Variants in GPR19 observed in about 807,000 individuals in gnomAD.
GPR19 encodes the protein probable G protein-coupled receptor 19.
In GPR19, 14 loss-of-function variants were observed where a neutral mutation model predicts 28.5. That is an observed-to-expected ratio of 0.49 (90% CI 0.32 to 0.77). GPR19 has a LOEUF of 0.77. GPR19 is among the 30% of genes least tolerant of loss of function. GPR19 has a pLI of 0.03. For synonymous variants in GPR19, 173 were observed against 184.1 expected, an observed-to-expected ratio of 0.94 and a Z score of 0.49; for missense variants, 409 against 504.1, an observed-to-expected ratio of 0.81 and a Z score of 1.81.
intron 2 of GPR19, among the ~76,000 whole-genome samples, chr12:12,686,832 A>C (rs1361373095): frequency 6.6e-6 from 1 of 152,222 alleles, no homozygotes; most frequent in Non-Finnish European, 1.5e-5. Context: ...ATTATTTGAG[A>C]CAAAAAAAAT....
chr12:12,717,026 C>CT, the GPR19 span: 6 of 1,002,330 alleles, frequency 6.0e-6, no homozygotes, highest in African/African-American at 8.7e-5. Flanking sequence ...GAGGTCGGGG[C>CT]TTAGGCGCCG....
intron 3 of GPR19, among the ~76,000 whole-genome samples, chr12:12,674,209 C>CAA (rs35775784): frequency 8.0e-4 from 43 of 53,904 alleles, no homozygotes; most frequent in Admixed American, 1.5e-3. Context: ...GACTTTGTCT[C>CAA]AAAAAAAAAA....
At chr12:12,690,964 T>C (rs1193254173) in intron 2 of GPR19, among the ~76,000 whole-genome samples, 1 of 152,156 alleles carries the variant, frequency 6.6e-6, no homozygotes, top group African/African-American at 2.4e-5. Context: ...GTCTTAACCA[T>C]ATATAAGTGT....
intron 2 of GPR19, among the ~76,000 whole-genome samples, chr12:12,688,033 T>A (rs1485488242): frequency 6.6e-6 from 1 of 152,234 alleles, no homozygotes; most frequent in Non-Finnish European, 1.5e-5. Flanking sequence ...AACACCATTT[T>A]TGCAACCCCC....
chr12:12,703,469 G>T, the GPR19 span: 19 of 972,236 alleles, frequency 2.0e-5, no homozygotes, highest in Non-Finnish European at 2.2e-5. Context: ...GGTAATCAAA[G>T]ATTCCCAAGG....
At chr12:12,716,895 GTGGGGGCCGCTGGGGAGGGCCGAGC>G in the GPR19 span, 3 of 984,684 alleles carry the variant, frequency 3.0e-6, no homozygotes, top group Middle Eastern at 5.2e-4. Context: ...AGACCACGAG[GTGGGGGCCGCTGGGGAGGGCCGAGC>G]TGGGGGCAGC....
the GPR19 span, among the ~76,000 whole-genome samples, chr12:12,713,900 C>G: frequency 6.6e-6 from 1 of 152,230 alleles, no homozygotes; most frequent in Non-Finnish European, 1.5e-5. Context: ...GAAACACTTC[C>G]TTTTCCCTCT....
chr12:12,681,705 G>A (rs78975275), intron 3 of GPR19, among the ~76,000 whole-genome samples: 1,656 of 152,288 alleles, frequency 0.011, 30 homozygotes, highest in African/African-American at 0.037. Flanking sequence ...GCATGAGCTG[G>A]TAGAATTCAA....
the GPR19 span, chr12:12,715,822 G>A: frequency 6.6e-6 from 1 of 152,250 alleles, no homozygotes; most frequent in Non-Finnish European, 1.5e-5. Flanking sequence ...AAAGGAGAGG[G>A]TTAAACCACA....
chr12:12,687,016 A>G (rs1012861294), intron 2 of GPR19, among the ~76,000 whole-genome samples: 1 of 152,200 alleles, frequency 6.6e-6, no homozygotes, highest in African/African-American at 2.4e-5. Context: ...ATAATCACCA[A>G]ATTTACTTTT....
chr12:12,704,738 C>T, the GPR19 span, among the ~76,000 whole-genome samples: 2 of 152,272 alleles, frequency 1.3e-5, no homozygotes, highest in East Asian at 3.9e-4. Context: ...TGGCCTTGTG[C>T]TGCCCTCCTG....
chr12:12,673,549 G>A (rs368075447), intron 3 of GPR19, among the ~76,000 whole-genome samples: 241 of 152,272 alleles, frequency 1.6e-3, no homozygotes, highest in African/African-American at 5.5e-3. Flanking sequence ...TCTGAAACAG[G>A]GTCTGGTTTT....
At chr12:12,695,367 T>G (rs1020316432) in intron 2 of GPR19, 92 bp downstream of exon 2, 1 of 152,206 alleles carries the variant, frequency 6.6e-6, no homozygotes, top group Non-Finnish European at 1.5e-5. Context: ...AATCCACATT[T>G]CATTCTGGCT....
At chr12:12,697,164 A>AAAAAAAAAAAAAAAAAC (rs1224241926), upstream of GPR19, among the ~76,000 whole-genome samples, 1 of 148,672 alleles carries the variant, frequency 6.7e-6, no homozygotes, top group Non-Finnish European at 1.5e-5. Flanking sequence ...AAAAAAAAAA[A>AAAAAAAAAAAAAAAAAC]AAAAAAAAAA....
At chr12:12,688,078 G>A (rs1360454672) in intron 2 of GPR19, among the ~76,000 whole-genome samples, 2 of 152,168 alleles carry the variant, frequency 1.3e-5, no homozygotes, top group African/African-American at 4.8e-5. Context: ...GATCACAAAA[G>A]GTGTTCAAAG....
At chr12:12,703,356 T>C in the GPR19 span, 2 of 984,192 alleles carry the variant, frequency 2.0e-6, no homozygotes, top group Non-Finnish European at 2.4e-6. Flanking sequence ...CCACAAGTAG[T>C]ATATGGAGTA....
the GPR19 span, chr12:12,717,228 C>G: frequency 9.5e-7 from 1 of 1,050,270 alleles, no homozygotes; most frequent in Admixed American, 5.4e-5. Flanking sequence ...AGGCGGCGCG[C>G]TCGGGAACGA....
chr12:12,704,956 G>A, the GPR19 span, among the ~76,000 whole-genome samples: 2 of 152,154 alleles, frequency 1.3e-5, no homozygotes, highest in East Asian at 3.8e-4. Flanking sequence ...CTTATCCTGA[G>A]TTATGGAAAA....
chr12:12,683,660 T>A (rs1393010044), intron 3 of GPR19, among the ~76,000 whole-genome samples: 1 of 152,242 alleles, frequency 6.6e-6, no homozygotes, highest in Non-Finnish European at 1.5e-5. Flanking sequence ...ATTTGTTAAA[T>A]AAAGACAAAA....
Sources: gnomAD v4.1 joint callset for allele counts (sites outside exome capture counted in the v4.1 genomes callset) on GRCh38, gnomAD v4.1.1 for gene constraint, MANE v1.5 for transcripts, NCBI Gene and HGNC (gene_info 2026-07-23, HGNC 2026-07-21) for gene names.